The following MMP16 variants were observed in gnomAD, a reference collection of about 807,000 sequenced individuals.
The protein encoded by MMP16 is matrix metallopeptidase 16.
MMP16 carries 12 observed loss-of-function variants against 67.8 expected under a neutral mutation model. That is an observed-to-expected ratio of 0.18 (90% confidence interval 0.11 to 0.29). The LOEUF (loss-of-function observed/expected upper bound fraction) is 0.29, where lower values mean the gene tolerates loss of function less well. Among genes scored for constraint, MMP16 ranks in the 10% least tolerant of loss-of-function variants. The probability of loss-of-function intolerance (pLI) is 1.00; values close to 1 mark genes in which losing one functional copy is unlikely to be tolerated. For synonymous variants in MMP16, 249 were observed against 255.9 expected (o/e 0.97, Z 0.26); for missense variants, 475 against 765.7 (o/e 0.62, Z 4.48).
chr8:88,318,226 T>C (rs533583114), intron 1 of MMP16, among the ~76,000 whole-genome samples: 1 of 152,318 alleles, frequency 6.6e-6, no homozygotes, highest in African/African-American at 2.4e-5. Flanking sequence ...TCAGATTTAA[T>C]GGTAAACTGC....
intron 1 of MMP16, among the ~76,000 whole-genome samples, chr8:88,201,686 C>T (rs1809347396): frequency 6.6e-6 from 1 of 152,038 alleles, no homozygotes; most frequent in African/African-American, 2.4e-5. Context: ...TGCATTTTAA[C>T]AGATAACTTC....
chr8:88,210,222 C>A (rs144877248), intron 1 of MMP16, among the ~76,000 whole-genome samples: 7 of 152,194 alleles, frequency 4.6e-5, no homozygotes, highest in African/African-American at 1.7e-4. Flanking sequence ...AAACAGAGGG[C>A]TTCCCTGACT....
rs28904624 is a variant in MMP16 at position 88,219,688 on chromosome 8, G to A, written c.133-22382C>T. The stretch of plus-strand genomic sequence containing the variant: ...AAATAAAACTTCAAACTATGCAAGA[G>A]TTATTTATAAAATTTTCAATATCTA... On this transcript the variant is annotated intron_variant, in intron 1 of 9. Coordinates refer to ENST00000286614, the MANE Select transcript of MMP16 (RefSeq NM_005941.5). Among the ~76,000 whole-genome samples, 1,352 of 152,166 alleles carry A rather than the reference G, an allele frequency of 8.9e-3. 18 individuals are homozygous for A. The highest frequency in any genetic ancestry group is 0.031 in the African/African-American group (1,288 of 41,544).
At chr8:88,257,169 C>A (rs1810316116) in intron 1 of MMP16, among the ~76,000 whole-genome samples, 1 of 152,178 alleles carries the variant, frequency 6.6e-6, no homozygotes, top group Non-Finnish European at 1.5e-5. Context: ...CTACTCATAG[C>A]AAGTCGGGTT....
intron 1 of MMP16, among the ~76,000 whole-genome samples, chr8:88,199,503 G>A (rs1335418468): frequency 6.6e-6 from 1 of 151,872 alleles, no homozygotes; most frequent in Non-Finnish European, 1.5e-5. Flanking sequence ...AATCAAGATT[G>A]ATTTGTCACC....
At position 88,254,230 on chromosome 8, in the gene MMP16, G is replaced by A. The variant is rs570490125; in HGVS notation, c.133-56924C>T. On this transcript the variant is annotated intron_variant, in intron 1 of 9. Transcript: ENST00000286614. ...AGGAACAAACAACTAAATACTGCAT[G>A]TTCCTGCTTATAAATGGGAGCTAAA... Among the ~76,000 whole-genome samples the A allele has an allele frequency of 3.7e-4, 56 of 152,228 alleles. 1 individual carries two copies. Among genetic ancestry groups the A allele is most frequent in the African/African-American group, 9.9e-4 (41 of 41,544 alleles).
intron 1 of MMP16, among the ~76,000 whole-genome samples, chr8:88,197,874 T>G (rs1809281147): frequency 6.6e-6 from 1 of 152,164 alleles, no homozygotes; most frequent in Non-Finnish European, 1.5e-5. Context: ...TTTGATGACT[T>G]TACCAGGTAA....
At chr8:88,317,952 G>A (rs967286595) in intron 1 of MMP16, among the ~76,000 whole-genome samples, 3 of 151,960 alleles carry the variant, frequency 2.0e-5, no homozygotes, top group African/African-American at 4.8e-5. Flanking sequence ...GAAAAATGTC[G>A]CTTTATATTA....
chr8:88,149,695 C>A (rs1449453040), intron 4 of MMP16, among the ~76,000 whole-genome samples: 2 of 151,610 alleles, frequency 1.3e-5, no homozygotes, highest in Non-Finnish European at 3.0e-5. Context: ...GACATCCACA[C>A]CAAAAACCCA....
chr8:88,124,530 C>T (rs1807893619), intron 4 of MMP16, among the ~76,000 whole-genome samples: 1 of 151,918 alleles, frequency 6.6e-6, no homozygotes, highest in Non-Finnish European at 1.5e-5. Flanking sequence ...TTTTCCGTAG[C>T]CCTAAACATC....
intron 1 of MMP16, among the ~76,000 whole-genome samples, chr8:88,239,659 G>A (rs537373709): frequency 7.9e-5 from 12 of 152,114 alleles, no homozygotes; most frequent in East Asian, 3.9e-4. Flanking sequence ...TCATCTAAGC[G>A]TCTTATGTTT....
chr8:88,155,735 C>T (rs566872038), intron 4 of MMP16, among the ~76,000 whole-genome samples: 14 of 152,212 alleles, frequency 9.2e-5, no homozygotes, highest in Admixed American at 2.0e-4. Context: ...TCAGTTTGTA[C>T]AGTAATAACA....
chr8:88,270,928 G>C (rs888754943), intron 1 of MMP16, among the ~76,000 whole-genome samples: 2 of 152,126 alleles, frequency 1.3e-5, no homozygotes, highest in African/African-American at 4.8e-5. Context: ...AAAATATCAT[G>C]AGTATATCTT....
chr8:88,137,313 C>G (rs945401605), intron 4 of MMP16, among the ~76,000 whole-genome samples: 6 of 151,896 alleles, frequency 4.0e-5, no homozygotes, highest in African/African-American at 4.8e-5. Context: ...CTCCTCCCCC[C>G]CAAAACCCAA....
At chr8:88,077,381 T>C (rs539532192) in intron 6 of MMP16, among the ~76,000 whole-genome samples, 1 of 152,298 alleles carries the variant, frequency 6.6e-6, no homozygotes, top group South Asian at 2.1e-4. Flanking sequence ...AAATTTTCCT[T>C]ATAAGTGAGA....
At chr8:88,244,828 G>A (rs1810088890) in intron 1 of MMP16, among the ~76,000 whole-genome samples, 1 of 152,118 alleles carries the variant, frequency 6.6e-6, no homozygotes. Flanking sequence ...ACATATTTGT[G>A]CTATTATTAT....
At position 88,147,777 on chromosome 8, in the gene MMP16, TTG is replaced by T. The variant is rs55829907; in HGVS notation, c.709+19890_709+19891del. 2.6e-3 allele frequency among the ~76,000 whole-genome samples: 390 copies of T among 149,012 alleles called. 1 individual carries two copies. Among genetic ancestry groups the T allele is most frequent in the African/African-American group, 8.3e-3 (337 of 40,744 alleles). On this transcript the variant is annotated intron_variant, in intron 4 of 9. Transcript: ENST00000286614. ...ACAGTAGTTACTATAAAATATGTGTTTGTGTGTGTGTGTGTGTGTGTGCATGC... is the reference window on the plus strand; with the variant it reads ...ACAGTAGTTACTATAAAATATGTGTTTGTGTGTGTGTGTGTGTGTGCATGC...
At chr8:88,268,290 C>T (rs991756822) in intron 1 of MMP16, among the ~76,000 whole-genome samples, 5 of 152,080 alleles carry the variant, frequency 3.3e-5, no homozygotes, top group African/African-American at 4.8e-5. Context: ...TGCAGTGAGC[C>T]GAGACTGTAC....
At chr8:88,162,517 C>T (rs1387728799) in intron 4 of MMP16, among the ~76,000 whole-genome samples, 1 of 152,038 alleles carries the variant, frequency 6.6e-6, no homozygotes, top group African/African-American at 2.4e-5. Flanking sequence ...AAGTCCTTGA[C>T]TGTCCATATC....
Sources: allele counts gnomAD v4.1 joint callset (sites outside exome capture counted in the v4.1 genomes callset), GRCh38; gene constraint gnomAD v4.1.1; transcripts MANE v1.5; gene names NCBI Gene and HGNC (gene_info 2026-07-23, HGNC 2026-07-21).